RAPGEF6: variants seen among roughly 807,000 people sequenced by gnomAD.
RAPGEF6 encodes the protein PDZ domain containing guanine nucleotide exchange factor (GEF) 2.
In RAPGEF6, 56 loss-of-function variants were observed where a neutral mutation model predicts 171.4. That is an observed-to-expected ratio of 0.33 (90% CI 0.26 to 0.41). The LOEUF is 0.41. RAPGEF6 is among the 10% of genes least tolerant of loss of function. The pLI, the probability that RAPGEF6 is intolerant of heterozygous loss-of-function variation, is 1.00. For synonymous variants in RAPGEF6, 692 were observed against 650.1 expected (o/e 1.06, Z -0.98); for missense variants, 1,674 against 1,921.4 (o/e 0.87, Z 2.41).
intron 17 of RAPGEF6, among the ~76,000 whole-genome samples, chr5:131,464,779 A>G (rs1196413196): frequency 6.6e-6 from 1 of 152,186 alleles, no homozygotes; most frequent in Non-Finnish European, 1.5e-5. Flanking sequence ...AAAATTCTCA[A>G]AAACAGAATT....
At position 131,446,680 on chromosome 5, in the gene RAPGEF6, T is replaced by C; in HGVS notation, c.3224A>G (p.Asn1075Ser). 6.2e-7 allele frequency: 1 copy of C among 1,614,132 alleles called. No homozygotes were observed. The highest frequency in any genetic ancestry group is 8.5e-7 in the Non-Finnish European group (1 of 1,179,956). ...TCCCTGAACATCCAGCATGTTTGAATTTGTGCTTCCTTGACTCAGTGACCT... is the reference window on the plus strand; with the variant it reads ...TCCCTGAACATCCAGCATGTTTGAACTTGTGCTTCCTTGACTCAGTGACCT... Reference protein sequence around the residue: ...RQRSLSQGSTNSNMLDVQGGA... With the variant: ...RQRSLSQGSTSSNMLDVQGGA... Residue 1075 changes from asparagine to serine, a missense_variant, in exon 22 of 28, where the codon AAT (asparagine) becomes AGT (serine). Asn to Ser is a conservative substitution (Grantham distance 46, BLOSUM62 1). Transcript: ENST00000509018.
At chr5:131,492,300 C>T (rs1756337175) in intron 14 of RAPGEF6, among the ~76,000 whole-genome samples, 1 of 152,140 alleles carries the variant, frequency 6.6e-6, no homozygotes, top group Non-Finnish European at 1.5e-5. Context: ...TATACAGTTT[C>T]CTAATCCATG....
At chr5:131,534,470 A>G (rs537918989) in intron 6 of RAPGEF6, among the ~76,000 whole-genome samples, 78 of 152,274 alleles carry the variant, frequency 5.1e-4, no homozygotes, top group Middle Eastern at 3.4e-3. Flanking sequence ...CCAAAATTCC[A>G]AAAGACACAA....
intron 23 of RAPGEF6, chr5:131,440,281 T>C (rs1752294503): frequency 4.4e-6 from 2 of 455,664 alleles, no homozygotes; most frequent in Non-Finnish European, 8.8e-6. Context: ...AGAAAAATAG[T>C]ATGCAGCACA....
intron 16 of RAPGEF6, among the ~76,000 whole-genome samples, chr5:131,474,476 T>C (rs1291888860): frequency 1.3e-5 from 2 of 151,860 alleles, no homozygotes; most frequent in Non-Finnish European, 1.5e-5. Flanking sequence ...AAAATGAGAA[T>C]TGTACAAACA....
intron 3 of RAPGEF6, among the ~76,000 whole-genome samples, chr5:131,600,383 G>A (rs982407591): frequency 2.0e-5 from 3 of 152,056 alleles, no homozygotes; most frequent in African/African-American, 4.8e-5. Flanking sequence ...TTAGCCAGAC[G>A]TGGTGGCACG....
intron 4 of RAPGEF6, among the ~76,000 whole-genome samples, chr5:131,576,436 CCATG>C (rs1762609207): frequency 6.6e-6 from 1 of 152,202 alleles, no homozygotes; most frequent in Non-Finnish European, 1.5e-5. Context: ...TCCTACATCA[CCATG>C]CTGTTATATG....
intron 2 of RAPGEF6, 134 bp downstream of exon 2, chr5:131,604,489 C>T: frequency 1.1e-6 from 1 of 940,520 alleles, no homozygotes; most frequent in Non-Finnish European, 1.5e-6. Context: ...TCCAGGAAAC[C>T]AGGGATCTAA....
intron 6 of RAPGEF6, among the ~76,000 whole-genome samples, chr5:131,525,523 A>C (rs1197851587): frequency 6.6e-6 from 1 of 152,166 alleles, no homozygotes; most frequent in Non-Finnish European, 1.5e-5. Context: ...CTTAGAGGCC[A>C]TTTATAGCTC....
In RAPGEF6 at chr5:131,589,921, G is replaced by A. The variant is rs1306004538; in HGVS notation, c.281+2462C>T. On this transcript the variant is annotated intron_variant, in intron 4 of 27. Coordinates refer to ENST00000509018, the MANE Select transcript of RAPGEF6 (RefSeq NM_016340.6). ...TCTGTCCCAGAGCAACCCAGTGAAT[G>A]TCTCTGCTATTTATTGGGCTGCAAC... 2.0e-5 allele frequency among the ~76,000 whole-genome samples: 3 copies of A among 152,124 alleles called. No homozygotes were observed. In the South Asian group the frequency reaches 6.2e-4, roughly 32 times the overall value.
intron 4 of RAPGEF6, among the ~76,000 whole-genome samples, chr5:131,577,495 A>G (rs1420263278): frequency 6.6e-6 from 1 of 152,158 alleles, no homozygotes; most frequent in Non-Finnish European, 1.5e-5. Flanking sequence ...CCTCTAGGCG[A>G]CTATCTTCCA....
intron 18 of RAPGEF6, chr5:131,463,753 T>C (rs1580863856): frequency 1.9e-6 from 2 of 1,030,840 alleles, no homozygotes; most frequent in Non-Finnish European, 2.3e-6. Flanking sequence ...CCAAAGTACA[T>C]ACTGGCCATA....
chr5:131,495,320 T>TAAAG (rs1561510292), intron 13 of RAPGEF6, among the ~76,000 whole-genome samples: 1 of 148,586 alleles, frequency 6.7e-6, no homozygotes, highest in Non-Finnish European at 1.5e-5. Flanking sequence ...ATACAATAAA[T>TAAAG]AAATAAATAA....
At chr5:131,512,237 C>T (rs138498847) in intron 7 of RAPGEF6, among the ~76,000 whole-genome samples, 3 of 152,062 alleles carry the variant, frequency 2.0e-5, no homozygotes, top group Non-Finnish European at 4.4e-5. Context: ...ATAAGCAAGC[C>T]GTACGGAGCC....
At chr5:131,601,061 G>A (rs1339007669) in intron 3 of RAPGEF6, among the ~76,000 whole-genome samples, 5 of 139,268 alleles carry the variant, frequency 3.6e-5, no homozygotes, top group Non-Finnish European at 1.5e-5. Context: ...ACTGGCCTGG[G>A]CAACGCAAGA....
chr5:131,561,924 A>C (rs1761628485), intron 5 of RAPGEF6, 54 bp downstream of exon 5: 2 of 1,359,618 alleles, frequency 1.5e-6, no homozygotes, highest in African/African-American at 2.9e-5. Context: ...TACTACATTT[A>C]AAGTTAAAAC....
At chr5:131,629,714 C>A (rs1766175376) in intron 1 of RAPGEF6, among the ~76,000 whole-genome samples, 1 of 147,820 alleles carries the variant, frequency 6.8e-6, no homozygotes, top group African/African-American at 2.5e-5. Flanking sequence ...GATTACGCCA[C>A]TGCACTCCAA....
At chr5:131,482,971 A>C (rs1373113343) in intron 15 of RAPGEF6, among the ~76,000 whole-genome samples, 1 of 152,174 alleles carries the variant, frequency 6.6e-6, no homozygotes, top group Non-Finnish European at 1.5e-5. Context: ...AAGTATTGAA[A>C]TTTTCTGTTA....
intron 12 of RAPGEF6, among the ~76,000 whole-genome samples, chr5:131,497,238 G>A (rs1221618140): frequency 1.3e-5 from 2 of 152,132 alleles, no homozygotes; most frequent in African/African-American, 4.8e-5. Context: ...TCGTTGTTGA[G>A]TTGTAAAAGT....
Sources: allele counts gnomAD v4.1 joint callset (sites outside exome capture counted in the v4.1 genomes callset), GRCh38; gene constraint gnomAD v4.1.1; transcripts MANE v1.5; gene names NCBI Gene and HGNC (gene_info 2026-07-23, HGNC 2026-07-21).